SH3GL3: variants seen among roughly 807,000 people sequenced by gnomAD.
The protein encoded by SH3GL3 is SH3 domain containing GRB2 like 3, endophilin A3, also known as endophilin-A3.
A neutral mutation model predicts 47.7 loss-of-function variants in SH3GL3; 33 were observed. That is an observed-to-expected ratio of 0.69 (90% CI 0.52 to 0.92). SH3GL3 has a LOEUF of 0.92. SH3GL3 is among the 40% of genes least tolerant of loss of function. SH3GL3 has a pLI of 0.00. For missense variants in SH3GL3, 363 were observed against 417.8 expected, an observed-to-expected ratio of 0.87 and a Z score of 1.14; for synonymous variants, 155 against 148.8, an observed-to-expected ratio of 1.04 and a Z score of -0.30.
chr15:83,628,751 A>G, the SH3GL3 span, among the ~76,000 whole-genome samples: 1 of 152,148 alleles, frequency 6.6e-6, no homozygotes, highest in Admixed American at 6.5e-5. Flanking sequence ...AGTCTCAAAA[A>G]CAAAAACAAA....
intron 2 of SH3GL3, among the ~76,000 whole-genome samples, chr15:83,564,331 T>G (rs1282820864): frequency 1.3e-5 from 2 of 152,254 alleles, no homozygotes; most frequent in East Asian, 3.8e-4. Context: ...AATTGAGTTT[T>G]CCCATCTAAG....
At chr15:83,564,440 G>A (rs2045439036) in intron 2 of SH3GL3, among the ~76,000 whole-genome samples, 1 of 151,892 alleles carries the variant, frequency 6.6e-6, no homozygotes, top group South Asian at 2.1e-4. Flanking sequence ...TTTCTTTTGG[G>A]CTACTGATGG....
At chr15:83,502,422 C>G (rs778947794) in intron 1 of SH3GL3, among the ~76,000 whole-genome samples, 38 of 152,256 alleles carry the variant, frequency 2.5e-4, no homozygotes, top group Non-Finnish European at 4.7e-4. Context: ...CGTGTGCATA[C>G]TTCCTGGATT....
intron 1 of SH3GL3, among the ~76,000 whole-genome samples, chr15:83,490,241 A>ACAC (rs1397725258): frequency 8.0e-5 from 12 of 149,536 alleles, no homozygotes; most frequent in Admixed American, 8.0e-4. Flanking sequence ...GATTGTGTTA[A>ACAC]CACTGCCCCT....
intron 8 of SH3GL3, among the ~76,000 whole-genome samples, chr15:83,589,245 T>C (rs894144347): frequency 1.3e-5 from 2 of 152,230 alleles, no homozygotes; most frequent in African/African-American, 2.4e-5. Context: ...TATAGTCTCT[T>C]GTGATCACCT....
At chr15:83,598,681 A>T (rs1178443953) in intron 8 of SH3GL3, among the ~76,000 whole-genome samples, 2 of 152,208 alleles carry the variant, frequency 1.3e-5, no homozygotes, top group Non-Finnish European at 2.9e-5. Context: ...ATGATGAGAA[A>T]ATATTCTTTT....
intron 8 of SH3GL3, among the ~76,000 whole-genome samples, chr15:83,591,388 A>G (rs559998055): frequency 6.6e-6 from 1 of 152,002 alleles, no homozygotes; most frequent in South Asian, 2.1e-4. Context: ...TTGCCTATGG[A>G]TGTCCAATTG....
At chr15:83,543,404 A>C (rs1191860973) in intron 1 of SH3GL3, among the ~76,000 whole-genome samples, 1 of 151,880 alleles carries the variant, frequency 6.6e-6, no homozygotes, top group Non-Finnish European at 1.5e-5. Context: ...GGATTTTTGC[A>C]TTGATGTTCA....
At chr15:83,529,201 G>A (rs1004915425) in intron 1 of SH3GL3, among the ~76,000 whole-genome samples, 28 of 152,334 alleles carry the variant, frequency 1.8e-4, no homozygotes, top group African/African-American at 6.7e-4. Context: ...AGTGGTGGCA[G>A]TGGTGGGCCA....
intron 1 of SH3GL3, among the ~76,000 whole-genome samples, chr15:83,463,766 T>G (rs1171215631): frequency 1.4e-5 from 2 of 140,328 alleles, no homozygotes; most frequent in African/African-American, 5.5e-5. Flanking sequence ...TTTCTTTCTT[T>G]CTTTTTTTTT....
intron 1 of SH3GL3, among the ~76,000 whole-genome samples, chr15:83,542,327 T>C (rs1434243657): frequency 1.3e-5 from 2 of 152,188 alleles, no homozygotes; most frequent in South Asian, 4.1e-4. Context: ...TCCATTGGTC[T>C]GTGTGTCTGT....
the SH3GL3 span, among the ~76,000 whole-genome samples, chr15:83,633,279 C>G: frequency 1.3e-5 from 2 of 152,122 alleles, no homozygotes; most frequent in African/African-American, 4.8e-5. Context: ...GCGATTGTAA[C>G]CCAGTATCCC....
intron 6 of SH3GL3, among the ~76,000 whole-genome samples, chr15:83,586,264 T>C (rs966437619): frequency 8.5e-5 from 13 of 152,222 alleles, no homozygotes; most frequent in African/African-American, 3.1e-4. Context: ...TTGCTTTTCC[T>C]CAAATTATAC....
intron 1 of SH3GL3, among the ~76,000 whole-genome samples, chr15:83,473,735 G>A (rs1014000383): frequency 2.6e-5 from 4 of 151,844 alleles, no homozygotes; most frequent in African/African-American, 9.7e-5. Context: ...TTTTAGTAGA[G>A]ACGGGGTTTC....
intron 1 of SH3GL3, among the ~76,000 whole-genome samples, chr15:83,543,528 A>G (rs2044263695): frequency 6.6e-6 from 1 of 151,780 alleles, no homozygotes; most frequent in South Asian, 2.1e-4. Context: ...ATGGGTTTGG[A>G]AGTCTTCCCT....
rs1268101692 is a variant in SH3GL3, at chr15:83,588,693, G to A, written c.760G>A (p.Glu254Lys). 1 of 1,612,066 alleles carries A rather than the reference G, an allele frequency of 6.2e-7. No individual in the cohort carries two copies. Among genetic ancestry groups the A allele is most frequent in the Non-Finnish European group, 8.5e-7 (1 of 1,178,104 alleles). Residue 254 changes from glutamate (E) to lysine (K), a missense_variant, in exon 8 of 9, where the codon GAA (glutamate) becomes AAA (lysine). Transcript: ENST00000427482. ...AGCTGCATCCAGTGTCCCCAGACGA[G>A]AATACAAGCCAAGGCCTGTGAAAAG... The part of the protein sequence containing the change: ...ISAASSVPRR[E>K]YKPRPVKRSS...
At chr15:83,607,689 T>G (rs936827742) in intron 8 of SH3GL3, among the ~76,000 whole-genome samples, 1 of 152,066 alleles carries the variant, frequency 6.6e-6, no homozygotes, top group Admixed American at 6.5e-5. Flanking sequence ...CTCCTGACTT[T>G]TAGATGTTGG....
the SH3GL3 span, among the ~76,000 whole-genome samples, chr15:83,633,478 C>T: frequency 6.6e-6 from 1 of 152,278 alleles, no homozygotes; most frequent in African/African-American, 2.4e-5. Flanking sequence ...AGAGTAGAAA[C>T]CTCTTCCACC....
intron 1 of SH3GL3, among the ~76,000 whole-genome samples, chr15:83,506,622 T>C (rs1409989871): frequency 6.6e-6 from 1 of 152,240 alleles, no homozygotes. Flanking sequence ...TAGATTTGTC[T>C]GTGACTTGTT....
Sources: allele counts gnomAD v4.1 joint callset (sites outside exome capture counted in the v4.1 genomes callset), GRCh38; gene constraint gnomAD v4.1.1; transcripts MANE v1.5; gene names NCBI Gene and HGNC (gene_info 2026-07-23, HGNC 2026-07-21).